FAAH2: variants seen among roughly 807,000 people sequenced by gnomAD.
The protein encoded by FAAH2 is fatty-acid amide hydrolase 2.
In FAAH2, 60 loss-of-function variants were observed where a neutral mutation model predicts 36.9. The ratio of observed to expected loss-of-function variants is 1.63; its 90% CI spans 1.32 to 2.02. The LOEUF (loss-of-function observed/expected upper bound fraction) is 2.02. Ranked by LOEUF, FAAH2 falls within the 30% of genes most tolerant of loss-of-function variation. The pLI is 0.00. For missense variants in FAAH2, 689 were observed against 397.5 expected, an observed-to-expected ratio of 1.73 and a Z score of -6.23; for synonymous variants, 214 against 143.8, an observed-to-expected ratio of 1.49 and a Z score of -3.49.
chrX:57,467,694 A>C (rs1602762338), intron 10 of FAAH2, among the ~76,000 whole-genome samples: 1 of 112,038 alleles, frequency 8.9e-6, no homozygotes, highest in Non-Finnish European at 1.9e-5. Context: ...GCCAAACAAA[A>C]GGCAGCAGAA....
chrX:57,270,285 T>C, the FAAH2 span, among the ~76,000 whole-genome samples: 1 of 111,462 alleles, frequency 9.0e-6, no homozygotes, highest in Non-Finnish European at 1.9e-5. Flanking sequence ...TTCTACCAAA[T>C]GTACAAAGAA....
intron 10 of FAAH2, among the ~76,000 whole-genome samples, chrX:57,470,829 T>C (rs1206205546): frequency 2.7e-5 from 3 of 111,411 alleles, no homozygotes; most frequent in Non-Finnish European, 5.7e-5. Flanking sequence ...TGATGAACAT[T>C]GATGCAAAAA....
chrX:57,415,643 A>G (rs2055822546), intron 7 of FAAH2, among the ~76,000 whole-genome samples: 1 of 111,144 alleles, frequency 9.0e-6, no homozygotes, highest in Non-Finnish European at 1.9e-5. Flanking sequence ...TTTTACTTTC[A>G]ATTATGTGGT....
At chrX:57,377,295 C>A (rs1362741121) in intron 5 of FAAH2, among the ~76,000 whole-genome samples, 1 of 112,323 alleles carries the variant, frequency 8.9e-6, no homozygotes, top group African/African-American at 3.2e-5. Flanking sequence ...ACATTTAAGT[C>A]TTTAATCCAT....
chrX:57,178,519 G>A, the FAAH2 span, among the ~76,000 whole-genome samples: 1 of 110,947 alleles, frequency 9.0e-6, no homozygotes, highest in Non-Finnish European at 1.9e-5. Flanking sequence ...GCTCCCCAAA[G>A]TCCCTGTGCT....
At chrX:57,416,334 C>G (rs777309893) in intron 7 of FAAH2, among the ~76,000 whole-genome samples, 1 of 111,276 alleles carries the variant, frequency 9.0e-6, no homozygotes, top group Non-Finnish European at 1.9e-5. Flanking sequence ...ATGGTCTTTA[C>G]AATTTTGTAT....
intron 3 of FAAH2, among the ~76,000 whole-genome samples, chrX:57,313,363 C>T (rs2052748121): frequency 9.2e-6 from 1 of 109,142 alleles, no homozygotes; most frequent in African/African-American, 3.3e-5. Context: ...AAGAGGTTGA[C>T]ATGCAAATCA....
chrX:57,432,057 T>C lies in FAAH2; in HGVS notation c.1116+20T>C, dbSNP rs2056315552. ...GGGAAGGTATTTTTACCTCTTTCTT[T>C]ACTTACTTTTTTCTTTGTGTAAACA... is the stretch of plus-strand genomic sequence containing the variant. On this transcript the variant is annotated intron_variant, in intron 8 of 10. Transcript: ENST00000374900. The C allele has an allele frequency of 8.5e-7, 1 of 1,175,076 alleles. No individual in the cohort carries two copies. The highest frequency in any genetic ancestry group is 1.1e-6 in the Non-Finnish European group (1 of 871,471).
chrX:57,420,253 G>C (rs1418916110), intron 7 of FAAH2, among the ~76,000 whole-genome samples: 1 of 111,271 alleles, frequency 9.0e-6, no homozygotes, highest in Non-Finnish European at 1.9e-5. Context: ...CCAATTCTGT[G>C]AAGACAGTCA....
intron 7 of FAAH2, among the ~76,000 whole-genome samples, chrX:57,391,490 T>C (rs1363280953): frequency 1.8e-5 from 2 of 111,072 alleles, no homozygotes; most frequent in South Asian, 7.6e-4. Flanking sequence ...TTTTTGTATA[T>C]GGTGAGAGAG....
the FAAH2 span, among the ~76,000 whole-genome samples, chrX:57,277,269 A>C: frequency 8.9e-6 from 1 of 112,174 alleles, no homozygotes; most frequent in African/African-American, 3.2e-5. Flanking sequence ...GGCTGGTTCA[A>C]CATATGCAAA....
At chrX:57,452,525 T>A (rs1382816366) in intron 10 of FAAH2, among the ~76,000 whole-genome samples, 1 of 112,753 alleles carries the variant, frequency 8.9e-6, no homozygotes, top group Non-Finnish European at 1.9e-5. Flanking sequence ...AACAAAATAA[T>A]CTGCTATATT....
the FAAH2 span, among the ~76,000 whole-genome samples, chrX:57,132,915 C>A: frequency 3.6e-5 from 4 of 112,310 alleles, no homozygotes; most frequent in Non-Finnish European, 5.6e-5. Flanking sequence ...CAGCTCCAGT[C>A]ATGATAACAT....
chrX:57,428,684 C>T (rs1184448426), intron 7 of FAAH2, among the ~76,000 whole-genome samples: 1 of 111,693 alleles, frequency 9.0e-6, no homozygotes, highest in Non-Finnish European at 1.9e-5. Flanking sequence ...ATTAGGTGGC[C>T]ATACACAGAA....
chrX:57,469,971 A>C (rs985671857), intron 10 of FAAH2, among the ~76,000 whole-genome samples: 2 of 111,907 alleles, frequency 1.8e-5, no homozygotes, highest in African/African-American at 6.5e-5. Flanking sequence ...AGCTACATGG[A>C]AACTGAAGAA....
At chrX:57,236,937 A>G in the FAAH2 span, among the ~76,000 whole-genome samples, 1 of 111,506 alleles carries the variant, frequency 9.0e-6, no homozygotes, top group Admixed American at 9.5e-5. Context: ...GATCAGACTA[A>G]TGTTATGAAC....
the FAAH2 span, among the ~76,000 whole-genome samples, chrX:57,149,436 C>T: frequency 9.0e-6 from 1 of 111,419 alleles, no homozygotes; most frequent in Non-Finnish European, 1.9e-5. Flanking sequence ...AATTTCAGAG[C>T]CTGTTATTGG....
At chrX:57,478,492 T>C (rs915438105) in intron 10 of FAAH2, among the ~76,000 whole-genome samples, 3 of 112,009 alleles carry the variant, frequency 2.7e-5, no homozygotes, top group Admixed American at 1.9e-4. Context: ...TTTAGTTTAA[T>C]TAGATCCCAT....
chrX:57,200,615 G>T, the FAAH2 span, among the ~76,000 whole-genome samples: 1 of 111,359 alleles, frequency 9.0e-6, no homozygotes, highest in Admixed American at 9.5e-5. Flanking sequence ...CTGACCTCAT[G>T]ATCCACCCAC....
Sources: allele counts gnomAD v4.1 joint callset (sites outside exome capture counted in the v4.1 genomes callset), GRCh38; gene constraint gnomAD v4.1.1; transcripts MANE v1.5; gene names NCBI Gene and HGNC (gene_info 2026-07-23, HGNC 2026-07-21).